TENM4: variants seen among roughly 807,000 people sequenced by gnomAD.
TENM4 encodes the protein teneurin-4.
TENM4 carries 82 observed loss-of-function variants against 243.3 expected under a neutral mutation model. The ratio of observed to expected loss-of-function variants is 0.34; its 90% CI spans 0.28 to 0.40. The LOEUF (loss-of-function observed/expected upper bound fraction) is 0.40. Among genes scored for constraint, TENM4 ranks in the 10% least tolerant of loss-of-function variants. The pLI is 1.00. For synonymous variants in TENM4, 1,412 were observed against 1,456.3 expected (o/e 0.97, Z 0.69); for missense variants, 3,138 against 3,673.3 (o/e 0.85, Z 3.77).
intron 19 of TENM4, among the ~76,000 whole-genome samples, chr11:78,742,362 C>T (rs1380238186): frequency 1.3e-5 from 2 of 152,156 alleles, no homozygotes; most frequent in South Asian, 2.1e-4. Context: ...AATCTTACTA[C>T]TGTGTTATGT....
At chr11:78,840,945 T>C (rs749134023) in intron 12 of TENM4, among the ~76,000 whole-genome samples, 22 of 152,198 alleles carry the variant, frequency 1.4e-4, no homozygotes, top group African/African-American at 2.2e-4. Flanking sequence ...AAATAAGAGT[T>C]GTTCCTGCTT....
At chr11:79,218,230 G>GC (rs765365245) in intron 2 of TENM4, among the ~76,000 whole-genome samples, 67 of 50,696 alleles carry the variant, frequency 1.3e-3, no homozygotes, top group African/African-American at 4.2e-3. Flanking sequence ...TTTACCCCCT[G>GC]CCCACCCACC....
chr11:78,663,775 T>G (rs1202300579), intron 32 of TENM4, among the ~76,000 whole-genome samples: 8 of 152,208 alleles, frequency 5.3e-5, no homozygotes, highest in Non-Finnish European at 1.2e-4. Context: ...TAGGCAAAAT[T>G]GTCACCTGCC....
At chr11:79,403,280 T>G (rs1858499698) in intron 1 of TENM4, among the ~76,000 whole-genome samples, 1 of 152,374 alleles carries the variant, frequency 6.6e-6, no homozygotes, top group South Asian at 2.1e-4. Context: ...GGACTAGCAC[T>G]GTTTTTCATG....
At chr11:78,867,270 C>G (rs1859005207) in intron 9 of TENM4, among the ~76,000 whole-genome samples, 1 of 152,030 alleles carries the variant, frequency 6.6e-6, no homozygotes, top group Admixed American at 6.5e-5. Flanking sequence ...GCCTTCCAAA[C>G]CTCTGGTAAC....
intron 3 of TENM4, among the ~76,000 whole-genome samples, chr11:79,182,644 T>C (rs1863306148): frequency 6.6e-6 from 1 of 152,100 alleles, no homozygotes; most frequent in South Asian, 2.1e-4. Context: ...AGCCATAGAC[T>C]GAGAGAAAAA....
intron 1 of TENM4, among the ~76,000 whole-genome samples, chr11:79,348,384 C>T (rs1489490238): frequency 1.3e-5 from 2 of 152,122 alleles, no homozygotes; most frequent in Non-Finnish European, 2.9e-5. Flanking sequence ...TATCCCATAC[C>T]AAAACACAGG....
At chr11:78,832,180 A>G (rs74620863) in intron 12 of TENM4, among the ~76,000 whole-genome samples, 135 of 152,326 alleles carry the variant, frequency 8.9e-4, no homozygotes, top group Non-Finnish European at 1.6e-3. Flanking sequence ...ATTTTTGTTC[A>G]GTGCCTTTTC....
At chr11:79,349,268 G>T (rs982621458) in intron 1 of TENM4, among the ~76,000 whole-genome samples, 12 of 152,300 alleles carry the variant, frequency 7.9e-5, no homozygotes, top group African/African-American at 2.6e-4. Context: ...CACCTAGGAA[G>T]TCTCTTAAAT....
chr11:78,921,254 T>G (rs1313014494), intron 6 of TENM4, among the ~76,000 whole-genome samples: 1 of 152,152 alleles, frequency 6.6e-6, no homozygotes, highest in Non-Finnish European at 1.5e-5. Flanking sequence ...ATTACTTAGG[T>G]CTAGAAAGTA....
chr11:79,173,471 G>C (rs768498008), intron 3 of TENM4, among the ~76,000 whole-genome samples: 87 of 152,090 alleles, frequency 5.7e-4, no homozygotes, highest in Non-Finnish European at 1.0e-3. Context: ...ATCCAACGTG[G>C]CCTATCACCA....
chr11:78,795,932 G>A (rs1037431400), intron 15 of TENM4, among the ~76,000 whole-genome samples: 3 of 152,200 alleles, frequency 2.0e-5, no homozygotes. Flanking sequence ...CCAAACCCAA[G>A]CTACTCTCCT....
intron 1 of TENM4, among the ~76,000 whole-genome samples, chr11:79,403,188 T>C (rs1397970812): frequency 6.6e-6 from 1 of 152,202 alleles, no homozygotes; most frequent in Non-Finnish European, 1.5e-5. Flanking sequence ...TCAGACCACT[T>C]GGATAAAGGA....
rs1783943 is a variant in TENM4, at chr11:78,745,227, CTTTTTTT to C, written c.2757-6664_2757-6658del. On this transcript the variant is annotated intron_variant, in intron 19 of 33. Coordinates refer to ENST00000278550, the MANE Select transcript of TENM4 (RefSeq NM_001098816.3). ...GTCCCTCTTTCTTTTTTTTCTTTTTCTTTTTTTTTTTTTTTTTGAGACAAAGTCTGAC... is the reference window on the plus strand; with the variant it reads ...GTCCCTCTTTCTTTTTTTTCTTTTTCTTTTTTTTTTGAGACAAAGTCTGAC... Among the ~76,000 whole-genome samples the C allele has an allele frequency of 1.6e-3, 210 of 128,060 alleles. 2 individuals carry two copies. The highest frequency in any genetic ancestry group is 4.2e-3 in the Admixed American group (54 of 12,750). 84.0% of individuals were successfully genotyped at this position (128,060 alleles called of 152,430 possible).
At chr11:79,041,567 G>A (rs904673245) in intron 6 of TENM4, among the ~76,000 whole-genome samples, 1 of 151,344 alleles carries the variant, frequency 6.6e-6, no homozygotes, top group South Asian at 2.1e-4. Flanking sequence ...CTGGCCCAAG[G>A]CATCTTTGCT....
rs542762356 is a variant in TENM4, at chr11:79,333,705, A to C, written c.-320-36162T>G. On this transcript the variant is annotated intron_variant, in intron 1 of 33. Coordinates refer to ENST00000278550, the MANE Select transcript of TENM4 (RefSeq NM_001098816.3). ...TGGGTTTGAAGGCCTAAGAAAAATG[A>C]AACTACACCTAATATCTATGAAGCC... Among the ~76,000 whole-genome samples the C allele has an allele frequency of 9.3e-4, 142 of 152,376 alleles. 8 individuals are homozygous for C. In the South Asian group the frequency reaches 0.02, roughly 21 times the overall value.
intron 9 of TENM4, among the ~76,000 whole-genome samples, chr11:78,869,903 G>C (rs1859081299): frequency 6.6e-6 from 1 of 152,102 alleles, no homozygotes; most frequent in Admixed American, 6.5e-5. Context: ...TTTTTCTCAG[G>C]GACAAAGCAT....
chr11:78,672,915 CG>C (rs1175735712), intron 30 of TENM4, among the ~76,000 whole-genome samples: 1 of 151,958 alleles, frequency 6.6e-6, no homozygotes, highest in Non-Finnish European at 1.5e-5. Flanking sequence ...CAGCCCCTGT[CG>C]GGTGTCTCCT....
chr11:79,322,952 T>C (rs1481137927), intron 1 of TENM4, among the ~76,000 whole-genome samples: 2 of 152,218 alleles, frequency 1.3e-5, no homozygotes, highest in Non-Finnish European at 2.9e-5. Flanking sequence ...ACATTCAGTG[T>C]CTCTTGGGGT....
Sources: gnomAD v4.1 joint callset for allele counts (sites outside exome capture counted in the v4.1 genomes callset) on GRCh38, gnomAD v4.1.1 for gene constraint, MANE v1.5 for transcripts, NCBI Gene and HGNC (gene_info 2026-07-23, HGNC 2026-07-21) for gene names.